IGF2: variants seen among roughly 807,000 people sequenced by gnomAD.
IGF2 encodes the protein insulin like growth factor 2, also known as insulin-like growth factor 2.
A neutral mutation model predicts 12.0 loss-of-function variants in IGF2; 2 were observed. The observed-to-expected ratio is 0.17, with a 90% CI of 0.07 to 0.52. IGF2 has a LOEUF of 0.52. IGF2 is among the 20% of genes least tolerant of loss of function. IGF2 has a pLI of 0.95. For synonymous variants in IGF2, 105 were observed against 110.1 expected, an observed-to-expected ratio of 0.95 and a Z score of 0.29; for missense variants, 211 against 268.0, an observed-to-expected ratio of 0.79 and a Z score of 1.48.
chr11:2,134,538 A>G (rs1858854623), intron 2 of IGF2, among the ~76,000 whole-genome samples: 1 of 152,230 alleles, frequency 6.6e-6, no homozygotes, highest in South Asian at 2.1e-4. Context: ...TTTGAAGTGC[A>G]TTTGCATCCT....
upstream of IGF2, chr11:2,140,396 G>C: frequency 1.7e-6 from 2 of 1,191,052 alleles, no homozygotes; most frequent in South Asian, 3.0e-5. Context: ...CGCCGCCTAA[G>C]CCTAGCCAAG....
At chr11:2,135,288 C>T in intron 2 of IGF2, 79 bp downstream of exon 2, 1 of 1,327,050 alleles carries the variant, frequency 7.5e-7, no homozygotes, top group Non-Finnish European at 1.0e-6. Context: ...AGTGTGCTCC[C>T]CTGGCTTGAG....
At position 2,132,300 on chromosome 11, in the gene IGF2, C is replaced by A. The variant is rs146936885; in HGVS notation, c.*687G>T. 4.3e-4 allele frequency: 85 copies of A among 195,768 alleles called. 1 individual carries two copies. The highest frequency in any genetic ancestry group is 1.9e-3 in the African/African-American group (81 of 43,238). The allele number at this position is 195,768 out of a possible 1,614,324, so 12.1% of individuals were successfully genotyped here. A position where few individuals can be genotyped will look rare whatever the true frequency, so the allele number is the denominator to read the frequency against. On this transcript the variant is annotated 3_prime_UTR_variant, in exon 4 of 4. Coordinates refer to ENST00000416167, the MANE Select transcript of IGF2 (RefSeq NM_000612.6). ...TAGTGATGGAAAAGGGAGTGAGGAG[C>A]CAGTCTGGGTTGTTGCTATTTTCGG...
chr11:2,146,369 A>T, the IGF2 span: 2 of 535,306 alleles, frequency 3.7e-6, no homozygotes, highest in Non-Finnish European at 7.7e-6. Flanking sequence ...GCCGCAGACG[A>T]GGCGCTGACC....
chr11:2,145,958 G>A (rs906479452), upstream of IGF2, among the ~76,000 whole-genome samples: 2 of 152,050 alleles, frequency 1.3e-5, no homozygotes, highest in African/African-American at 4.8e-5. Flanking sequence ...AGCAGTCCAA[G>A]GGTGTTGGGA....
rs199968864 is a variant in IGF2, at chr11:2,133,658, G to A, written c.165C>T (p.Pro55=). The A allele has an allele frequency of 2.0e-5, 32 of 1,612,906 alleles. No individual in the cohort carries two copies. Among genetic ancestry groups the A allele is most frequent in the East Asian group, 4.5e-5 (2 of 44,874 alleles). The part of the protein sequence containing the change: ...CGDRGFYFSR[P]ASRVSRRSRG... Reference sequence around the variant, plus strand: ...GGCTGCGACGGCTCACACGGCTTGCGGGCCTGCCTGGAAGTCCCACAGCAC... The same window carrying A: ...GGCTGCGACGGCTCACACGGCTTGCAGGCCTGCCTGGAAGTCCCACAGCAC... The change falls in exon 3 of 4, where the codon CCC becomes CCT. Residue 55 remains proline, a synonymous_variant. Coordinates refer to ENST00000416167, the MANE Select transcript of IGF2 (RefSeq NM_000612.6). This position sits in a 1 kb window ranked among gnomAD's most constrained non-coding sequence, Gnocchi z 8.9.
chr11:2,129,210 GGAGTT>G lies in IGF2; in HGVS notation c.*3772_*3776del, dbSNP rs1858368545. On this transcript the variant is annotated 3_prime_UTR_variant, in exon 4 of 4. Transcript: ENST00000416167. The surrounding 1 kb of genome is among the most constrained non-coding windows in gnomAD (Gnocchi z 8.1). ...TTTTGCCGGAAATATTAGCGTTAAAGGAGTTGAGTTGAGTCAAACACGGGCCGCAA... is the reference window on the plus strand; with the variant it reads ...TTTTGCCGGAAATATTAGCGTTAAAGGAGTTGAGTCAAACACGGGCCGCAA... 1 of 199,150 alleles carries G rather than the reference GGAGTT, an allele frequency of 5.0e-6. No individual in the cohort carries two copies. Among genetic ancestry groups the G allele is most frequent in the Non-Finnish European group, 1.0e-5 (1 of 96,416 alleles). The allele number at this position is 199,150 out of a possible 1,614,324, so 12.3% of individuals were successfully genotyped here.
chr11:2,149,167 G>C, the IGF2 span: 1 of 1,613,546 alleles, frequency 6.2e-7, no homozygotes, highest in South Asian at 1.1e-5. Context: ...CTCCTGGACA[G>C]TGGATAAAGA....
In IGF2 at chr11:2,138,742, G is replaced by C. The variant is rs1249013148; in HGVS notation, c.-520C>G. Reference sequence around the variant, plus strand: ...TCGGAGGCTAGGAGCTGGGGGGGACGGGAGGGAGCGAAGGGAAGGTTGCGG... The same window carrying C: ...TCGGAGGCTAGGAGCTGGGGGGGACCGGAGGGAGCGAAGGGAAGGTTGCGG... On this transcript the variant is annotated 5_prime_UTR_variant, in exon 1 of 4. Coordinates refer to ENST00000416167, the MANE Select transcript of IGF2 (RefSeq NM_000612.6). 3 of 858,500 alleles carry C rather than the reference G, an allele frequency of 3.5e-6. No individual in the cohort carries two copies. Among genetic ancestry groups the C allele is most frequent in the Admixed American group, 6.4e-5 (1 of 15,724 alleles). The allele number at this position is 858,500 out of a possible 1,614,324, so 53.2% of individuals were successfully genotyped here.
At chr11:2,134,163 G>A in intron 2 of IGF2, 1 of 511,634 alleles carries the variant, frequency 2.0e-6, no homozygotes, top group Admixed American at 2.1e-5. Context: ...AGAGGAGTGA[G>A]GAGGCGTGAT....
chr11:2,132,158 T>C lies in IGF2; in HGVS notation c.*829A>G. The C allele has an allele frequency of 9.7e-6, 2 of 206,650 alleles. No homozygotes were observed. The highest frequency in any genetic ancestry group is 7.1e-5 in the East Asian group (1 of 14,018). The allele number at this position is 206,650 out of a possible 1,614,324, so 12.8% of individuals were successfully genotyped here. A position where few individuals can be genotyped will look rare whatever the true frequency, so the allele number is the denominator to read the frequency against. On this transcript the variant is annotated 3_prime_UTR_variant, in exon 4 of 4. Coordinates refer to ENST00000416167, the MANE Select transcript of IGF2 (RefSeq NM_000612.6). ...GCTTTTTAGGATGGGAATTGAGATG[T>C]AAGATTTGGGGGTGAGGGTCGTGCC...
At chr11:2,147,429 T>A in the IGF2 span, 1 of 412,686 alleles carries the variant, frequency 2.4e-6, no homozygotes, top group African/African-American at 2.0e-5. This position sits in a 1 kb window ranked among gnomAD's most constrained non-coding sequence, Gnocchi z 7.2. Context: ...GAACTCCAGA[T>A]CCCAGCTGTG....
At position 2,129,453 on chromosome 11, in the gene IGF2, G is replaced by A; in HGVS notation, c.*3534C>T. 1 of 229,818 alleles carries A rather than the reference G, an allele frequency of 4.4e-6. No homozygotes were observed. The highest frequency in any genetic ancestry group is 8.6e-6 in the Non-Finnish European group (1 of 115,796). The allele number at this position is 229,818 out of a possible 1,614,324, so 14.2% of individuals were successfully genotyped here. On this transcript the variant is annotated 3_prime_UTR_variant, in exon 4 of 4. Coordinates refer to ENST00000416167, the MANE Select transcript of IGF2 (RefSeq NM_000612.6). The surrounding 1 kb of genome is among the most constrained non-coding windows in gnomAD (Gnocchi z 8.1). ...GGCCCAGGGGAGAGCTGCAAACCTG[G>A]GGACGCAAGGGGCTGGTCGGCAAGT...
Position 2,135,493 on chromosome 11 carries a change from C to T in IGF2, c.31G>A (p.Val11Met). ...GCGAAGGCCAAGAAGGTGAGAAGCACCAGCATCGACTTCCCCATTGGGATT... is the reference window on the plus strand; with the variant it reads ...GCGAAGGCCAAGAAGGTGAGAAGCATCAGCATCGACTTCCCCATTGGGATT... MGIPMGKSML[V>M]LLTFLAFASC... is the part of the protein sequence containing the mutation. Residue 11 changes from valine (V) to methionine (M), a missense_variant, in exon 2 of 4, where the codon GTG (valine) becomes ATG (methionine). Coordinates refer to ENST00000416167, the MANE Select transcript of IGF2 (RefSeq NM_000612.6). 2 of 1,613,628 alleles carry T rather than the reference C, an allele frequency of 1.2e-6. No homozygotes were observed. Among genetic ancestry groups the T allele is most frequent in the Non-Finnish European group, 1.7e-6 (2 of 1,179,862 alleles).
Position 2,133,380 on chromosome 11 carries a change from C to T in IGF2, c.306+137G>A. ...GAAGGAGCCAGCGTCTGAGCTGCTC[C>T]CGGGCCACACAGCAAGCAAGGAAGT... On this transcript the variant is annotated intron_variant, in intron 3 of 3. Transcript: ENST00000416167. The surrounding 1 kb of genome is among the most constrained non-coding windows in gnomAD (Gnocchi z 8.9). 1 of 1,100,346 alleles carries T rather than the reference C, an allele frequency of 9.1e-7. No homozygotes were observed. Among genetic ancestry groups the T allele is most frequent in the South Asian group, 1.6e-5 (1 of 61,016 alleles). The allele number at this position is 1,100,346 out of a possible 1,614,324, so 68.2% of individuals were successfully genotyped here.
At chr11:2,136,131 C>T (rs1037000988) in intron 1 of IGF2, among the ~76,000 whole-genome samples, 1 of 152,212 alleles carries the variant, frequency 6.6e-6, no homozygotes, top group African/African-American at 2.4e-5. Flanking sequence ...TTCCACCTTT[C>T]CAGTCTGCAG....
Position 2,129,519 on chromosome 11 carries a change from CTGGG to C in IGF2, c.*3464_*3467del. 4.4e-6 allele frequency: 1 copy of C among 228,180 alleles called. No individual in the cohort carries two copies. The allele number at this position is 228,180 out of a possible 1,614,324, so 14.1% of individuals were successfully genotyped here. On this transcript the variant is annotated 3_prime_UTR_variant, in exon 4 of 4. Transcript: ENST00000416167. This position sits in a 1 kb window ranked among gnomAD's most constrained non-coding sequence, Gnocchi z 8.1. ...CACTCCGGCGAGGCAGAATATAACA[CTGGG>C]TGGGTGGGTGTCCTGACGAATGGGC...
At position 2,129,609 on chromosome 11, in the gene IGF2, T is replaced by A. The variant is rs748150937; in HGVS notation, c.*3378A>T. 9 of 230,430 alleles carry A rather than the reference T, an allele frequency of 3.9e-5. No individual in the cohort carries two copies. The highest frequency in any genetic ancestry group is 7.7e-5 in the Non-Finnish European group (9 of 116,176). The allele number at this position is 230,430 out of a possible 1,614,324, so 14.3% of individuals were successfully genotyped here. On this transcript the variant is annotated 3_prime_UTR_variant, in exon 4 of 4. Coordinates refer to ENST00000416167, the MANE Select transcript of IGF2 (RefSeq NM_000612.6). This position sits in a 1 kb window ranked among gnomAD's most constrained non-coding sequence, Gnocchi z 8.1. The stretch of plus-strand genomic sequence containing the variant: ...CAGGCCAATGTGGGTTCCACAATTG[T>A]GACAATTTGGCTCTTTGGGCTTCTG...
At chr11:2,143,791 A>G (rs1051821372), upstream of IGF2, among the ~76,000 whole-genome samples, 1 of 152,268 alleles carries the variant, frequency 6.6e-6, no homozygotes, top group African/African-American at 2.4e-5. Flanking sequence ...AGCAATGCTT[A>G]AATTTAGAGG....
Sources: gnomAD v4.1 joint callset for allele counts (sites outside exome capture counted in the v4.1 genomes callset) on GRCh38, gnomAD v4.1.1 for gene constraint, Gnocchi (gnomAD v3.1) non-coding constraint, MANE v1.5 for transcripts, NCBI Gene and HGNC (gene_info 2026-07-23, HGNC 2026-07-21) for gene names.